FANCA: variants seen among roughly 807,000 people sequenced by gnomAD.
FANCA encodes Fanconi anemia group A protein.
In FANCA, 236 loss-of-function variants were observed where a neutral mutation model predicts 194.3. The observed-to-expected ratio is 1.21, with a 90% CI of 1.09 to 1.35. FANCA has a LOEUF of 1.35. FANCA is among the 40% of genes most tolerant of loss of function. The probability of loss-of-function intolerance (pLI) is 0.00; values close to 1 mark genes in which losing one functional copy is unlikely to be tolerated. For synonymous variants in FANCA, 1,014 were observed against 715.8 expected (o/e 1.42, Z -6.65); for missense variants, 2,628 against 1,813.9 (o/e 1.45, Z -8.15).
At chr16:89,809,794 G>C (rs1165510289) in intron 5 of FANCA, among the ~76,000 whole-genome samples, 4 of 149,906 alleles carry the variant, frequency 2.7e-5, no homozygotes, top group Non-Finnish European at 5.9e-5. Context: ...CGGACGTTGC[G>C]ATAAGCCAAG....
intron 28 of FANCA, chr16:89,762,707 G>C (rs901046002): frequency 9.1e-6 from 4 of 441,636 alleles, no homozygotes; most frequent in Non-Finnish European, 1.8e-5. Flanking sequence ...ATCGTAGCTC[G>C]CTGCAGACTC....
chr16:89,787,381 T>A (rs1236460422), intron 14 of FANCA, among the ~76,000 whole-genome samples: 1 of 151,900 alleles, frequency 6.6e-6, no homozygotes, highest in Non-Finnish European at 1.5e-5. Flanking sequence ...AAATTAGCCG[T>A]GTGTGGTGGC....
At chr16:89,799,664 A>G (rs1465358183) in intron 8 of FANCA, 26 bp from the exon 9 acceptor site, 4 of 1,580,368 alleles carry the variant, frequency 2.5e-6, no homozygotes, top group Middle Eastern at 3.3e-4. Flanking sequence ...GTGAGTTACC[A>G]TCTTGGTAAT....
At chr16:89,762,830 C>T (rs755253288) in intron 28 of FANCA, 26 of 436,604 alleles carry the variant, frequency 6.0e-5, no homozygotes, top group South Asian at 2.3e-4. Context: ...AGGCCGAGCA[C>T]GGTGGCTCAT....
intron 31 of FANCA, among the ~76,000 whole-genome samples, chr16:89,751,934 C>A (rs537435177): frequency 1.3e-5 from 2 of 152,108 alleles, no homozygotes; most frequent in Non-Finnish European, 2.9e-5. Flanking sequence ...CCACGCCCGG[C>A]TAAATTTTTG....
chr16:89,787,183 C>T (rs1056153607), intron 14 of FANCA, among the ~76,000 whole-genome samples: 1 of 152,190 alleles, frequency 6.6e-6, no homozygotes, highest in African/African-American at 2.4e-5. Flanking sequence ...AATTCCAACA[C>T]TTTGGGAGGT....
rs545362422 is a variant in FANCA, at chr16:89,772,370, G to C, written c.2015-556C>G. Among the ~76,000 whole-genome samples, 16 of 152,370 alleles carry C rather than the reference G, an allele frequency of 1.1e-4. No homozygotes were observed. The South Asian group carries it at 3.3e-3, about 32-fold the overall frequency. On this transcript the variant is annotated intron_variant, in intron 22 of 42. Transcript: ENST00000389301. ...TCAGGAACTGGCGCACTTGGTCTGA[G>C]TGAAGACCGCCAAGGCGCTGCAGCC... is the stretch of plus-strand genomic sequence containing the variant.
intron 5 of FANCA, among the ~76,000 whole-genome samples, chr16:89,809,437 G>A (rs574765399): frequency 1.1e-4 from 17 of 152,084 alleles, no homozygotes; most frequent in African/African-American, 3.4e-4. Context: ...GGGAAAGGCC[G>A]GACGCAGTGG....
At chr16:89,764,821 G>A in intron 28 of FANCA, 69 bp downstream of exon 28, 2 of 1,552,904 alleles carry the variant, frequency 1.3e-6, no homozygotes, top group Non-Finnish European at 8.9e-7. Flanking sequence ...TGCTGTTCTT[G>A]CCCGAGGAGC....
chr16:89,767,933 A>AC (rs1327571951), intron 26 of FANCA, among the ~76,000 whole-genome samples: 3 of 152,008 alleles, frequency 2.0e-5, no homozygotes, highest in African/African-American at 7.2e-5. Flanking sequence ...TGATCTGCCC[A>AC]CCTCAGCCAC....
intron 28 of FANCA, 60 bp from the exon 29 acceptor site, chr16:89,762,082 G>C: frequency 7.5e-7 from 1 of 1,339,560 alleles, no homozygotes; most frequent in Non-Finnish European, 1.1e-6. Context: ...CCACCGACAG[G>C]TTTATAAACC....
intron 37 of FANCA, 147 bp downstream of exon 37, chr16:89,742,653 C>CAAAAAAAAAAAAACAAAAAAAAA (rs2062163926): frequency 3.6e-6 from 1 of 274,614 alleles, no homozygotes; most frequent in Non-Finnish European, 6.0e-6. Context: ...ACTAAAAATA[C>CAAAAAAAAAAAAACAAAAAAAAA]AAAAAAAAAA....
chr16:89,752,788 G>A (rs1046815616), intron 30 of FANCA, among the ~76,000 whole-genome samples: 10 of 152,338 alleles, frequency 6.6e-5, no homozygotes, highest in African/African-American at 2.2e-4. Context: ...TGATGCCAGC[G>A]TCTGGGAAGA....
At chr16:89,802,734 T>A (rs914238442) in intron 8 of FANCA, among the ~76,000 whole-genome samples, 1 of 152,130 alleles carries the variant, frequency 6.6e-6, no homozygotes, top group Admixed American at 6.6e-5. Context: ...TGAAATCCTG[T>A]CATTCACAGC....
chr16:89,808,209 C>G, intron 6 of FANCA, 85 bp downstream of exon 6: 1 of 1,310,996 alleles, frequency 7.6e-7, no homozygotes, highest in Non-Finnish European at 1.1e-6. Context: ...AGAAATCAAA[C>G]CCGTCTGATT....
At position 89,778,843 on chromosome 16, in the gene FANCA, TTGGGGAGCTG is replaced by T. The variant is rs2039605605; in HGVS notation, c.1777-3_1783del. The T allele has an allele frequency of 6.2e-7, 1 of 1,613,810 alleles. No individual in the cohort carries two copies. Among genetic ancestry groups the T allele is most frequent in the Non-Finnish European group, 8.5e-7 (1 of 1,179,942 alleles). The stretch of plus-strand genomic sequence containing the variant: ...AAACGCCACACGGGAGTCAGGGACT[TTGGGGAGCTG>T]TGGGAAGAGAAGAGACCTGTGAGAG... On this transcript the variant is annotated splice_acceptor_variant and splice_polypyrimidine_tract_variant and coding_sequence_variant and intron_variant, in exon 20 of 43. Transcript: ENST00000389301. LOFTEE classifies it high-confidence loss of function.
intron 3 of FANCA, among the ~76,000 whole-genome samples, chr16:89,812,134 G>C (rs1177901076): frequency 1.3e-5 from 2 of 150,490 alleles, no homozygotes; most frequent in African/African-American, 2.4e-5. Flanking sequence ...AGGAGATCGA[G>C]ACCATCCTGG....
At chr16:89,739,454 G>A in intron 40 of FANCA, 24 bp downstream of exon 40, 5 of 1,552,126 alleles carry the variant, frequency 3.2e-6, no homozygotes, top group Non-Finnish European at 4.4e-6. Flanking sequence ...GCCCAGCCCT[G>A]ACCAGCCCTG....
chr16:89,767,784 G>A (rs1406229773), intron 26 of FANCA, among the ~76,000 whole-genome samples: 2 of 152,104 alleles, frequency 1.3e-5, no homozygotes, highest in Non-Finnish European at 2.9e-5. Flanking sequence ...TCCTGACTTC[G>A]TGCTCCGCCC....
Sources: allele counts gnomAD v4.1 joint callset (sites outside exome capture counted in the v4.1 genomes callset), GRCh38; gene constraint gnomAD v4.1.1; transcripts MANE v1.5; gene names NCBI Gene and HGNC (gene_info 2026-07-23, HGNC 2026-07-21).